GLIS3: variants seen among roughly 807,000 people sequenced by gnomAD.
GLIS3 encodes the protein GLIS family zinc finger 3.
In GLIS3, 53 loss-of-function variants were observed where a neutral mutation model predicts 78.6. The observed-to-expected ratio is 0.67, with a 90% CI of 0.54 to 0.85. The LOEUF is 0.85. GLIS3 is among the 40% of genes least tolerant of loss of function. The pLI is 0.00. For synonymous variants in GLIS3, 684 were observed against 509.9 expected (o/e 1.34, Z -4.60); for missense variants, 1,703 against 1,231.1 (o/e 1.38, Z -5.74).
At chr9:3,862,841 G>A (rs1355542678) in intron 8 of GLIS3, among the ~76,000 whole-genome samples, 1 of 152,114 alleles carries the variant, frequency 6.6e-6, no homozygotes, top group Admixed American at 6.5e-5. Context: ...GTATTCACAC[G>A]AAAAATATTA....
At chr9:4,216,974 A>C (rs1820909031) in intron 2 of GLIS3, among the ~76,000 whole-genome samples, 1 of 152,238 alleles carries the variant, frequency 6.6e-6, no homozygotes, top group Admixed American at 6.5e-5. Flanking sequence ...GAACATTCAA[A>C]GGAGAATGGA....
At position 3,937,047 on chromosome 9, in the gene GLIS3, T is replaced by C. The variant is rs750187486; in HGVS notation, c.1853A>G (p.Gln618Arg). ...FSNSSDRAKHQRTHLDTKPYA... is the reference protein window; with the variant it reads ...FSNSSDRAKHRRTHLDTKPYA... Reference sequence around the variant, plus strand: ...TCTTACGGTGTCCAGATGCGTCCGCTGGTGTTTGGCGCGGTCACTGGAGTT... The same window carrying C: ...TCTTACGGTGTCCAGATGCGTCCGCCGGTGTTTGGCGCGGTCACTGGAGTT... Residue 618 changes from glutamine (Q) to arginine (R), a missense_variant, in exon 5 of 11, where the codon CAG becomes CGG. Physicochemically the swap from Gln to Arg is conservative, Grantham distance 43 (BLOSUM62 1). Coordinates refer to ENST00000381971, the MANE Select transcript of GLIS3 (RefSeq NM_001042413.2). The C allele has an allele frequency of 6.2e-7, 1 of 1,613,136 alleles. No homozygotes were observed. The highest frequency in any genetic ancestry group is 8.5e-7 in the Non-Finnish European group (1 of 1,180,000).
At chr9:4,176,722 C>G (rs938262999) in intron 2 of GLIS3, among the ~76,000 whole-genome samples, 2 of 152,184 alleles carry the variant, frequency 1.3e-5, no homozygotes, top group Non-Finnish European at 2.9e-5. Flanking sequence ...CTCCCGGGTT[C>G]AAATGATTCT....
At position 4,331,111 on chromosome 9, in the gene GLIS3, T is replaced by C. The variant is rs1186390143; in HGVS notation, n.264+15970A>G. Among the ~76,000 whole-genome samples, 7 of 130,882 alleles carry C rather than the reference T, an allele frequency of 5.3e-5. No individual in the cohort carries two copies. The East Asian group carries it at 1.3e-3, about 24-fold the overall frequency. 85.9% of individuals were successfully genotyped at this position (130,882 alleles called of 152,430 possible). A position where few individuals can be genotyped will look rare whatever the true frequency, so the allele number is the denominator to read the frequency against. On this transcript the variant is annotated intron_variant and non_coding_transcript_variant, in intron 2 of 4. Transcript: ENST00000471664. ...CATGATTTAAAACAACAGAAATGTA[T>C]TCTGTTACAGTTCTAGAAGCTGTAA...
intron 2 of GLIS3, among the ~76,000 whole-genome samples, chr9:4,260,095 C>A (rs1825368105): frequency 6.6e-6 from 1 of 152,176 alleles, no homozygotes. Context: ...CACTTCAGGC[C>A]AAATCCCCAT....
chr9:4,430,270 T>C, the GLIS3 span, among the ~76,000 whole-genome samples: 1 of 152,238 alleles, frequency 6.6e-6, no homozygotes, highest in African/African-American at 2.4e-5. Context: ...GGGTCCAGTA[T>C]TTTTAGATCA....
chr9:4,296,710 G>C (rs1004306292), intron 1 of GLIS3, among the ~76,000 whole-genome samples: 1 of 151,818 alleles, frequency 6.6e-6, no homozygotes, highest in African/African-American at 2.4e-5. Context: ...GAGTCTTCTG[G>C]GCAAGAAAAG....
chr9:4,035,562 T>TC (rs1824227958), intron 4 of GLIS3, among the ~76,000 whole-genome samples: 1 of 152,016 alleles, frequency 6.6e-6, no homozygotes, highest in Non-Finnish European at 1.5e-5. Flanking sequence ...TAGTTGAGGC[T>TC]CTAGTCACTT....
chr9:4,303,976 C>T (rs1217341381), upstream of GLIS3, among the ~76,000 whole-genome samples: 1 of 152,190 alleles, frequency 6.6e-6, no homozygotes, highest in African/African-American at 2.4e-5. Context: ...CTATAACTAC[C>T]TTCTATAAAT....
chr9:4,285,957 A>G, intron 2 of GLIS3, 81 bp downstream of exon 2: 2 of 1,520,412 alleles, frequency 1.3e-6, no homozygotes, highest in African/African-American at 1.4e-5. Flanking sequence ...GTATTTTTCC[A>G]TAGGATTTGC....
At chr9:4,303,249 G>C (rs953664669), upstream of GLIS3, among the ~76,000 whole-genome samples, 4 of 123,258 alleles carry the variant, frequency 3.2e-5, no homozygotes, top group African/African-American at 1.3e-4. Flanking sequence ...GTGATAGTAT[G>C]CCTAGCTATT....
chr9:4,210,614 G>A (rs1376974689), intron 2 of GLIS3, among the ~76,000 whole-genome samples: 1 of 152,174 alleles, frequency 6.6e-6, no homozygotes, highest in Non-Finnish European at 1.5e-5. Flanking sequence ...CTACAATGCA[G>A]AAAACTTAAG....
At chr9:3,963,652 G>A (rs965809156) in intron 4 of GLIS3, among the ~76,000 whole-genome samples, 4 of 152,170 alleles carry the variant, frequency 2.6e-5, no homozygotes, top group South Asian at 2.1e-4. Context: ...CTCAAAGCAG[G>A]GAGGTCATTT....
At chr9:3,943,564 G>C (rs1308154578) in intron 4 of GLIS3, among the ~76,000 whole-genome samples, 2 of 152,166 alleles carry the variant, frequency 1.3e-5, no homozygotes, top group Non-Finnish European at 2.9e-5. Context: ...AATTATTTAG[G>C]GTTGTCCCTG....
At chr9:4,120,161 A>G (rs1286094933) in intron 3 of GLIS3, among the ~76,000 whole-genome samples, 4 of 152,322 alleles carry the variant, frequency 2.6e-5, no homozygotes, top group South Asian at 4.1e-4. Flanking sequence ...AAAGGAACTG[A>G]GGTAAAAGAA....
intron 6 of GLIS3, among the ~76,000 whole-genome samples, chr9:3,929,170 T>C (rs1352256495): frequency 6.6e-6 from 1 of 152,198 alleles, no homozygotes; most frequent in African/African-American, 2.4e-5. Flanking sequence ...GCTACCCATT[T>C]TTCTGTGTAA....
intron 2 of GLIS3, among the ~76,000 whole-genome samples, chr9:4,136,777 C>T (rs612087): frequency 0.4 from 60,598 of 151,948 alleles, 12,484 homozygotes; most frequent in African/African-American, 0.45. Flanking sequence ...GAAGACAGAG[C>T]TTAGAGGGTT....
intron 4 of GLIS3, among the ~76,000 whole-genome samples, chr9:3,953,795 C>CTCTCTCTCTCTATA (rs1403671770): frequency 1.8e-4 from 13 of 73,336 alleles, no homozygotes; most frequent in Admixed American, 7.2e-4. Flanking sequence ...CTCTCTCTCT[C>CTCTCTCTCTCTATA]TATATATATA....
Position 3,826,167 on chromosome 9 carries a change from T to G in GLIS3, c.*2105A>C, listed in dbSNP as rs1270112235. The G allele has an allele frequency of 6.6e-6, 1 of 152,238 alleles. No individual in the cohort carries two copies. The allele number at this position is 152,238 out of a possible 1,614,324, so 9.4% of individuals were successfully genotyped here. A position where few individuals can be genotyped will look rare whatever the true frequency, so the allele number is the denominator to read the frequency against. Reference sequence around the variant, plus strand: ...GTCAACTGCAATAACAACCTTGCCTTTTCATCTTTTTTCTCATTGTACAAA... The same window carrying G: ...GTCAACTGCAATAACAACCTTGCCTGTTCATCTTTTTTCTCATTGTACAAA... On this transcript the variant is annotated 3_prime_UTR_variant, in exon 11 of 11. Transcript: ENST00000381971.
Sources: allele counts gnomAD v4.1 joint callset (sites outside exome capture counted in the v4.1 genomes callset), GRCh38; gene constraint gnomAD v4.1.1; transcripts MANE v1.5; gene names NCBI Gene and HGNC (gene_info 2026-07-23, HGNC 2026-07-21).